THAP4: variants seen among roughly 807,000 people sequenced by gnomAD.
THAP4 encodes the protein THAP domain containing 4.
Under a neutral mutation model 48.1 loss-of-function variants are expected in THAP4, and 18 were observed. That is an observed-to-expected ratio of 0.37 (90% CI 0.26 to 0.56). THAP4 has a LOEUF of 0.56. THAP4 is among the 20% of genes least tolerant of loss of function. The probability of loss-of-function intolerance (pLI) is 0.78; values close to 1 mark genes in which losing one functional copy is unlikely to be tolerated. For synonymous variants in THAP4, 345 were observed against 324.9 expected (o/e 1.06, Z -0.66); for missense variants, 656 against 774.9 (o/e 0.85, Z 1.82).
chr2:241,636,947 AAGG>A lies in THAP4; in HGVS notation c.68_70del (p.Ser23del). 7.7e-7 allele frequency: 1 copy of A among 1,293,302 alleles called. No individual in the cohort carries two copies. Among genetic ancestry groups the A allele is most frequent in the Non-Finnish European group, 1.0e-6 (1 of 996,722 alleles). The allele number at this position is 1,293,302 out of a possible 1,614,324, so 80.1% of individuals were successfully genotyped here. Reference sequence around the variant, plus strand: ...CGGCCCGGGGCCCGCGTACCTGTGGAAGGAGACGGCGCGCTTCTCGCCCTTTCC... The same window carrying A: ...CGGCCCGGGGCCCGCGTACCTGTGGAAGACGGCGCGCTTCTCGCCCTTTCC... On this transcript the variant is annotated inframe_deletion, in exon 1 of 6. Transcript: ENST00000407315.
chr2:241,636,367 G>A (rs754148893), intron 1 of THAP4, among the ~76,000 whole-genome samples: 3 of 152,252 alleles, frequency 2.0e-5, no homozygotes, highest in African/African-American at 4.8e-5. Flanking sequence ...GCCTTAGAGG[G>A]GTTTGGGCCC....
intron 2 of THAP4, among the ~76,000 whole-genome samples, chr2:241,630,292 G>T (rs935252854): frequency 6.6e-6 from 1 of 152,148 alleles, no homozygotes; most frequent in Non-Finnish European, 1.5e-5. Flanking sequence ...CAGAGCCACA[G>T]CCTCCATTGC....
rs1220692468 is a variant in THAP4, at chr2:241,612,016, C to T, written c.1241-5543G>A. Among the ~76,000 whole-genome samples the T allele has an allele frequency of 6.6e-6, 1 of 152,164 alleles. No homozygotes were observed. Among genetic ancestry groups the T allele is most frequent in the Non-Finnish European group, 1.5e-5 (1 of 68,038 alleles). On this transcript the variant is annotated intron_variant, in intron 2 of 5. Coordinates refer to ENST00000407315, the MANE Select transcript of THAP4 (RefSeq NM_015963.6). This position sits in a 1 kb window ranked among gnomAD's most constrained non-coding sequence, Gnocchi z 4.1. Reference sequence around the variant, plus strand: ...CACTGGGGCTCAAGTGATTCTCCCGCCTCAGCCTCCCGAGTAGTTGAATGA... The same window carrying T: ...CACTGGGGCTCAAGTGATTCTCCCGTCTCAGCCTCCCGAGTAGTTGAATGA...
At chr2:241,605,503 C>T (rs1388571958) in intron 3 of THAP4, among the ~76,000 whole-genome samples, 1 of 152,174 alleles carries the variant, frequency 6.6e-6, no homozygotes, top group Non-Finnish European at 1.5e-5. Flanking sequence ...CAGAGGCCTA[C>T]ACTGCTATCT....
At chr2:241,605,228 G>A (rs1313878350) in intron 3 of THAP4, among the ~76,000 whole-genome samples, 1 of 152,084 alleles carries the variant, frequency 6.6e-6, no homozygotes, top group Admixed American at 6.6e-5. Context: ...TAAAAACAAT[G>A]AGATCTTCTA....
chr2:241,591,311 G>A (rs1305440616), intron 5 of THAP4, among the ~76,000 whole-genome samples: 4 of 152,156 alleles, frequency 2.6e-5, no homozygotes, highest in African/African-American at 4.8e-5. Context: ...AGAGGGCAGC[G>A]GGGGTTGCCT....
In THAP4 at chr2:241,601,711, G is replaced by A; in HGVS notation, c.1614+185C>T. On this transcript the variant is annotated intron_variant, in intron 5 of 5. Transcript: ENST00000407315. This position sits in a 1 kb window ranked among gnomAD's most constrained non-coding sequence, Gnocchi z 4.0. ...ACCACACCACTGACCAGCCGAGGAG[G>A]GGGCAATGAATTTAGGGAACATCCA... 2.7e-6 allele frequency: 3 copies of A among 1,101,664 alleles called. No homozygotes were observed. The highest frequency in any genetic ancestry group is 2.6e-6 in the Non-Finnish European group (2 of 781,446). 68.2% of individuals were successfully genotyped at this position (1,101,664 alleles called of 1,614,324 possible). A position where few individuals can be genotyped will look rare whatever the true frequency, so the allele number is the denominator to read the frequency against.
chr2:241,588,116 G>T (rs2066915194), intron 5 of THAP4, among the ~76,000 whole-genome samples: 1 of 152,024 alleles, frequency 6.6e-6, no homozygotes, highest in South Asian at 2.1e-4. Flanking sequence ...AAAGTCACAT[G>T]ATACGAGATC....
intron 5 of THAP4, among the ~76,000 whole-genome samples, chr2:241,600,335 AAGAGTT>A (rs1338085698): frequency 6.6e-6 from 1 of 152,182 alleles, no homozygotes; most frequent in East Asian, 1.9e-4. Flanking sequence ...ACTCATCTGG[AAGAGTT>A]AGAATTATAC....
At chr2:241,623,184 T>C (rs2067455576) in intron 2 of THAP4, among the ~76,000 whole-genome samples, 1 of 151,910 alleles carries the variant, frequency 6.6e-6, no homozygotes, top group Admixed American at 6.6e-5. Flanking sequence ...ACCACAGCAC[T>C]CCAGCCTGGT....
chr2:241,590,263 GATA>G (rs1242678711), intron 5 of THAP4, among the ~76,000 whole-genome samples: 4 of 151,110 alleles, frequency 2.6e-5, no homozygotes, highest in South Asian at 2.1e-4. Context: ...CTCGGCTGAT[GATA>G]ATGGGCACTA....
chr2:241,603,905 C>A, intron 3 of THAP4, among the ~76,000 whole-genome samples: 1 of 151,836 alleles, frequency 6.6e-6, no homozygotes, highest in Non-Finnish European at 1.5e-5. Flanking sequence ...GTAATCCCAG[C>A]ACTTCAGGGG....
intron 5 of THAP4, 159 bp from the exon 6 acceptor site, chr2:241,584,884 T>C (rs781596296): frequency 4.8e-6 from 4 of 841,580 alleles, no homozygotes; most frequent in Non-Finnish European, 5.7e-6. Context: ...CCCCTGGGCA[T>C]GTCACAATCC....
chr2:241,620,664 C>T (rs1396522836), intron 2 of THAP4, among the ~76,000 whole-genome samples: 2 of 151,182 alleles, frequency 1.3e-5, no homozygotes, highest in African/African-American at 4.9e-5. Flanking sequence ...GAGTCGGTGA[C>T]TGAGGCAGTG....
chr2:241,633,826 C>A lies in THAP4; in HGVS notation c.331G>T (p.Gly111Cys). The change falls in exon 2 of 6, where the codon GGT (glycine) becomes TGT (cysteine). Residue 111 changes from glycine to cysteine, a missense_variant. Gly to Cys is a radical substitution (Grantham distance 159). Around this residue, in one of 4 missense-constraint regions of THAP4, gnomAD observed 391 missense variants for 412.4 expected, o/e 0.95. Coordinates refer to ENST00000407315, the MANE Select transcript of THAP4 (RefSeq NM_015963.6). The surrounding 1 kb of genome is among the most constrained non-coding windows in gnomAD (Gnocchi z 7.5). ...RRKDASKATG[G>C]VRGHSSAATS... ...GCGGCACTCGAGTGTCCCCTCACAC[C>A]CCCTGTGGCCTTGCTGGCATCTTTT... The A allele has an allele frequency of 1.2e-6, 2 of 1,613,736 alleles. No homozygotes were observed. Among genetic ancestry groups the A allele is most frequent in the Non-Finnish European group, 8.5e-7 (1 of 1,179,694 alleles).
Position 241,601,668 on chromosome 2 carries a change from A to G in THAP4, c.1614+228T>C, listed in dbSNP as rs1173255309. On this transcript the variant is annotated intron_variant, in intron 5 of 5. Transcript: ENST00000407315. The surrounding 1 kb of genome is among the most constrained non-coding windows in gnomAD (Gnocchi z 4.0). The stretch of plus-strand genomic sequence containing the variant: ...AAATGCAAAAGGATGTTTGTGACAA[A>G]CAACAAACCTCAAAAAAACCACACC... 1 of 687,142 alleles carries G rather than the reference A, an allele frequency of 1.5e-6. No individual in the cohort carries two copies. Among genetic ancestry groups the G allele is most frequent in the Non-Finnish European group, 2.3e-6 (1 of 425,992 alleles). The allele number at this position is 687,142 out of a possible 1,614,324, so 42.6% of individuals were successfully genotyped here. A position where few individuals can be genotyped will look rare whatever the true frequency, so the allele number is the denominator to read the frequency against.
At chr2:241,586,262 GAA>G (rs11320455) in intron 5 of THAP4, among the ~76,000 whole-genome samples, 1,353 of 83,960 alleles carry the variant, frequency 0.016, 20 homozygotes, top group African/African-American at 0.053. Context: ...ATCTGAAGAG[GAA>G]AAAAAAAAAA....
At chr2:241,620,303 C>CG (rs2067410835) in intron 2 of THAP4, among the ~76,000 whole-genome samples, 1 of 26,970 alleles carries the variant, frequency 3.7e-5, no homozygotes, top group African/African-American at 1.6e-4. Context: ...GTGAGTGAGT[C>CG]GTGAGTGAGG....
intron 2 of THAP4, among the ~76,000 whole-genome samples, chr2:241,607,331 T>G (rs2067195842): frequency 6.6e-6 from 1 of 151,946 alleles, no homozygotes; most frequent in African/African-American, 2.4e-5. Flanking sequence ...GAGCGGCTTT[T>G]CAGGATTCAC....
Sources: gnomAD v4.1 joint callset for allele counts (sites outside exome capture counted in the v4.1 genomes callset) on GRCh38, gnomAD v4.1.1 for gene constraint, gnomAD v4.1.1 regional missense constraint, Gnocchi (gnomAD v3.1) non-coding constraint, MANE v1.5 for transcripts, NCBI Gene and HGNC (gene_info 2026-07-23, HGNC 2026-07-21) for gene names.